The following INPP4B variants were observed in gnomAD, a reference collection of about 807,000 sequenced individuals.
INPP4B encodes inositol polyphosphate-4-phosphatase type II B.
INPP4B carries 55 observed loss-of-function variants against 122.5 expected under a neutral mutation model. The ratio of observed to expected loss-of-function variants is 0.45; its 90% CI spans 0.36 to 0.56. The LOEUF (loss-of-function observed/expected upper bound fraction) is 0.56, where lower values mean the gene tolerates loss of function less well. Among genes scored for constraint, INPP4B ranks in the 20% least tolerant of loss-of-function variants. The pLI is 0.00. For synonymous variants in INPP4B, 403 were observed against 388.7 expected (o/e 1.04, Z -0.43); for missense variants, 1,000 against 1,097.7 (o/e 0.91, Z 1.26).
At chr4:142,228,964 A>G (rs962824070) in intron 12 of INPP4B, among the ~76,000 whole-genome samples, 8 of 151,700 alleles carry the variant, frequency 5.3e-5, no homozygotes, top group Admixed American at 2.6e-4. Context: ...AGTTTTGCCT[A>G]TGTAATTGAT....
At chr4:142,517,350 G>A (rs1825538896) in intron 2 of INPP4B, among the ~76,000 whole-genome samples, 1 of 152,094 alleles carries the variant, frequency 6.6e-6, no homozygotes, top group Non-Finnish European at 1.5e-5. Flanking sequence ...GTCTCTTTGA[G>A]TTGAATGACC....
intron 1 of INPP4B, among the ~76,000 whole-genome samples, chr4:142,755,668 A>C (rs965484281): frequency 6.6e-6 from 1 of 152,068 alleles, no homozygotes; most frequent in African/African-American, 2.4e-5. Flanking sequence ...AATGGGCTTT[A>C]ATTAATTTGC....
chr4:142,093,817 G>A (rs540373769), intron 23 of INPP4B, among the ~76,000 whole-genome samples: 4 of 152,154 alleles, frequency 2.6e-5, no homozygotes, highest in Non-Finnish European at 5.9e-5. Flanking sequence ...CCTGGTCTGC[G>A]TTGAATATTT....
At chr4:142,384,798 C>T (rs1422358663) in intron 7 of INPP4B, among the ~76,000 whole-genome samples, 1 of 151,962 alleles carries the variant, frequency 6.6e-6, no homozygotes, top group Non-Finnish European at 1.5e-5. Context: ...AAGCCTAGTA[C>T]CCAATAGTTA....
At chr4:142,258,260 A>T (rs951881429) in intron 11 of INPP4B, among the ~76,000 whole-genome samples, 1 of 152,050 alleles carries the variant, frequency 6.6e-6, no homozygotes, top group Non-Finnish European at 1.5e-5. Flanking sequence ...CTAGAAGAAA[A>T]CCTAGGCATT....
At chr4:142,153,003 C>T (rs1422561572) in intron 17 of INPP4B, among the ~76,000 whole-genome samples, 1 of 152,166 alleles carries the variant, frequency 6.6e-6, no homozygotes, top group Non-Finnish European at 1.5e-5. Flanking sequence ...GTTCTCATTA[C>T]ATGCATCTTC....
chr4:142,845,063 G>A (rs1261614325), intron 1 of INPP4B, among the ~76,000 whole-genome samples: 1 of 152,174 alleles, frequency 6.6e-6, no homozygotes, highest in Admixed American at 6.5e-5. Context: ...TCTGGTTAGG[G>A]AGAAGATAAA....
At chr4:142,738,315 T>C (rs2150907555) in intron 1 of INPP4B, among the ~76,000 whole-genome samples, 1 of 152,260 alleles carries the variant, frequency 6.6e-6, no homozygotes, top group East Asian at 1.9e-4. Context: ...TGTAGGGACA[T>C]GCATGAAGCT....
chr4:142,331,210 G>A (rs1013454656), intron 7 of INPP4B, among the ~76,000 whole-genome samples: 3 of 152,160 alleles, frequency 2.0e-5, no homozygotes, highest in Admixed American at 1.3e-4. Flanking sequence ...ACCATTCATA[G>A]TGCAAGCAAT....
intron 1 of INPP4B, among the ~76,000 whole-genome samples, chr4:142,842,182 TC>T (rs200480637): frequency 1.6e-3 from 248 of 151,894 alleles, no homozygotes; most frequent in African/African-American, 5.7e-3. Flanking sequence ...TTCACTTAGT[TC>T]TTCATAGGGC....
chr4:142,624,330 AT>A (rs1366981947), intron 2 of INPP4B, among the ~76,000 whole-genome samples: 1 of 151,150 alleles, frequency 6.6e-6, no homozygotes, highest in Non-Finnish European at 1.5e-5. Context: ...GATGGTGAGC[AT>A]TTTTTCATGT....
intron 7 of INPP4B, among the ~76,000 whole-genome samples, chr4:142,357,228 A>G (rs762894375): frequency 1.3e-5 from 2 of 152,026 alleles, no homozygotes; most frequent in African/African-American, 4.8e-5. Context: ...GCCAAGTCAG[A>G]CAGAAATTGT....
chr4:142,607,636 T>C (rs1416808379), intron 2 of INPP4B, among the ~76,000 whole-genome samples: 3 of 152,148 alleles, frequency 2.0e-5, no homozygotes, highest in Admixed American at 6.6e-5. Flanking sequence ...AGTTTAAAAT[T>C]AATAATATAT....
chr4:142,192,179 G>A (rs1180952209), intron 15 of INPP4B, among the ~76,000 whole-genome samples: 1 of 151,452 alleles, frequency 6.6e-6, no homozygotes, highest in African/African-American at 2.4e-5. Context: ...GAGGGTGGAG[G>A]AGGGTGAGGA....
At chr4:142,712,883 C>A (rs950317300) in intron 2 of INPP4B, among the ~76,000 whole-genome samples, 1 of 152,130 alleles carries the variant, frequency 6.6e-6, no homozygotes, top group African/African-American at 2.4e-5. Context: ...CTCCATCTTA[C>A]AGATGAGGAA....
chr4:142,611,630 CTTTTT>C (rs1560863610), intron 2 of INPP4B, among the ~76,000 whole-genome samples: 11 of 90,738 alleles, frequency 1.2e-4, no homozygotes, highest in Admixed American at 2.3e-4. Flanking sequence ...TCTGTTTTTT[CTTTTT>C]TCTTTTTTTT....
intron 2 of INPP4B, among the ~76,000 whole-genome samples, chr4:142,563,720 G>A (rs1730954962): frequency 1.3e-5 from 2 of 152,090 alleles, no homozygotes. Flanking sequence ...GTCTAGCTCT[G>A]AGCATAAGCG....
At chr4:142,380,826 T>G (rs1298520642) in intron 7 of INPP4B, among the ~76,000 whole-genome samples, 1 of 151,932 alleles carries the variant, frequency 6.6e-6, no homozygotes, top group Non-Finnish European at 1.5e-5. Flanking sequence ...TCATTATTAG[T>G]TTTTTTAAAG....
chr4:142,605,006 G>C (rs1245244962), intron 2 of INPP4B, among the ~76,000 whole-genome samples: 2 of 151,876 alleles, frequency 1.3e-5, no homozygotes, highest in Non-Finnish European at 2.9e-5. Context: ...GCACACTATT[G>C]GTATAAAAAC....
Sources: gnomAD v4.1 joint callset for allele counts (sites outside exome capture counted in the v4.1 genomes callset) on GRCh38, gnomAD v4.1.1 for gene constraint, MANE v1.5 for transcripts, NCBI Gene and HGNC (gene_info 2026-07-23, HGNC 2026-07-21) for gene names.